Variants in TAFA1 observed in about 807,000 individuals in gnomAD.
The protein encoded by TAFA1 is chemokine-like protein TAFA-1.
TAFA1 carries 4 observed loss-of-function variants against 18.5 expected under a neutral mutation model. The ratio of observed to expected loss-of-function variants is 0.22; its 90% CI spans 0.11 to 0.49. The LOEUF (loss-of-function observed/expected upper bound fraction) is 0.49. Ranked by LOEUF, TAFA1 falls within the 20% of genes least tolerant of loss-of-function variation. The pLI, the probability that TAFA1 is intolerant of heterozygous loss-of-function variation, is 0.98. For missense variants in TAFA1, 147 were observed against 169.0 expected (o/e 0.87, Z 0.72); for synonymous variants, 56 against 55.2 (o/e 1.01, Z -0.06).
intron 4 of TAFA1, among the ~76,000 whole-genome samples, chr3:68,541,345 GA>G (rs2106794860): frequency 6.6e-6 from 1 of 152,232 alleles, no homozygotes; most frequent in South Asian, 2.1e-4. Flanking sequence ...ATGTATATAG[GA>G]ACCATCTATT....
intron 2 of TAFA1, among the ~76,000 whole-genome samples, chr3:68,203,313 A>G (rs1003966445): frequency 6.6e-6 from 1 of 150,934 alleles, no homozygotes; most frequent in Non-Finnish European, 1.5e-5. Flanking sequence ...GTGTTTTCTG[A>G]CCTTTCTGGA....
intron 2 of TAFA1, among the ~76,000 whole-genome samples, chr3:68,149,225 T>C (rs911511775): frequency 6.6e-6 from 1 of 152,182 alleles, no homozygotes; most frequent in Non-Finnish European, 1.5e-5. Flanking sequence ...ATTACACTAG[T>C]CACTTTACCT....
intron 3 of TAFA1, among the ~76,000 whole-genome samples, chr3:68,462,737 T>G (rs2071807815): frequency 6.6e-6 from 1 of 152,204 alleles, no homozygotes; most frequent in African/African-American, 2.4e-5. Flanking sequence ...CCTAATATGC[T>G]GTTTTATGTT....
intron 3 of TAFA1, among the ~76,000 whole-genome samples, chr3:68,472,475 A>T (rs2072015907): frequency 6.6e-6 from 1 of 151,696 alleles, no homozygotes; most frequent in South Asian, 2.1e-4. Flanking sequence ...CAAGCCTTCT[A>T]CATGTGACAA....
intron 2 of TAFA1, among the ~76,000 whole-genome samples, chr3:68,258,179 T>C (rs1265263311): frequency 6.6e-6 from 1 of 152,184 alleles, no homozygotes; most frequent in Admixed American, 6.6e-5. Context: ...AAATGTGCTG[T>C]GGTTATATAA....
At chr3:68,195,733 A>G (rs2066402740) in intron 2 of TAFA1, among the ~76,000 whole-genome samples, 1 of 151,692 alleles carries the variant, frequency 6.6e-6, no homozygotes, top group African/African-American at 2.4e-5. Flanking sequence ...ATGTTTGAAT[A>G]TATCAGGCCA....
chr3:68,285,692 A>G (rs557150005), intron 2 of TAFA1, among the ~76,000 whole-genome samples: 60 of 152,344 alleles, frequency 3.9e-4, no homozygotes, highest in Non-Finnish European at 7.6e-4. Flanking sequence ...TATCAATCAC[A>G]TGCAATTTAT....
At chr3:68,166,299 T>G (rs1271525538) in intron 2 of TAFA1, among the ~76,000 whole-genome samples, 1 of 152,222 alleles carries the variant, frequency 6.6e-6, no homozygotes, top group Non-Finnish European at 1.5e-5. Flanking sequence ...TTTCCTGAGC[T>G]ACTTTTCTCC....
rs1350044332 is a variant in TAFA1, at chr3:68,538,817, T to C, written c.321T>C (p.Cys107=). 7.4e-6 allele frequency: 12 copies of C among 1,613,586 alleles called. No homozygotes were observed. The highest frequency in any genetic ancestry group is 1.0e-5 in the Non-Finnish European group (12 of 1,179,628). The change falls in exon 4 of 5, where the codon TGT becomes TGC. Residue 107 remains cysteine (C), a synonymous_variant. Coordinates refer to ENST00000478136, the MANE Select transcript of TAFA1 (RefSeq NM_213609.4). ...AGCCTTGCCTAGAAGGAGAAGAATG[T>C]AAGACACTCCCTGACAATTCTGGAT... is the stretch of plus-strand genomic sequence containing the variant. The part of the protein sequence containing the change: ...EMEPCLEGEE[C]KTLPDNSGWM...
chr3:68,374,005 G>C (rs2069762206), intron 2 of TAFA1, among the ~76,000 whole-genome samples: 2 of 152,116 alleles, frequency 1.3e-5, no homozygotes, highest in Admixed American at 6.6e-5. Context: ...TTTATTATAA[G>C]GAAATACAAT....
chr3:68,037,199 A>G (rs1156884464), intron 2 of TAFA1, among the ~76,000 whole-genome samples: 1 of 152,146 alleles, frequency 6.6e-6, no homozygotes, highest in Non-Finnish European at 1.5e-5. Context: ...AGAAAGAACA[A>G]GTAGAAAGGC....
intron 2 of TAFA1, among the ~76,000 whole-genome samples, chr3:68,340,802 AT>A (rs1377786548): frequency 2.0e-5 from 3 of 152,172 alleles, no homozygotes; most frequent in South Asian, 4.1e-4. Context: ...ACTAAATTTG[AT>A]TTTTTTTAAG....
At chr3:68,350,418 C>T (rs1203679480) in intron 2 of TAFA1, among the ~76,000 whole-genome samples, 1 of 152,042 alleles carries the variant, frequency 6.6e-6, no homozygotes, top group Non-Finnish European at 1.5e-5. Flanking sequence ...AAAGGCTGGT[C>T]CTTGGACTTT....
intron 3 of TAFA1, among the ~76,000 whole-genome samples, chr3:68,508,577 A>G (rs1169436930): frequency 2.0e-5 from 3 of 152,104 alleles, no homozygotes; most frequent in African/African-American, 7.2e-5. Flanking sequence ...TTCAACAAAG[A>G]TTTTTGGCTC....
At chr3:68,412,321 A>G (rs2070733867) in intron 2 of TAFA1, among the ~76,000 whole-genome samples, 1 of 150,576 alleles carries the variant, frequency 6.6e-6, no homozygotes, top group South Asian at 2.2e-4. Context: ...TGCTAGGTAA[A>G]ACATGGGCAA....
chr3:68,237,332 C>T (rs1335363272), intron 2 of TAFA1, among the ~76,000 whole-genome samples: 2 of 152,168 alleles, frequency 1.3e-5, no homozygotes, highest in Non-Finnish European at 2.9e-5. Context: ...CACCTAATCA[C>T]CTCCCCAAGG....
At chr3:68,080,641 C>G (rs1430924915) in intron 2 of TAFA1, among the ~76,000 whole-genome samples, 1 of 151,972 alleles carries the variant, frequency 6.6e-6, no homozygotes, top group Non-Finnish European at 1.5e-5. Flanking sequence ...GAATATTGGC[C>G]CCCACTCTCT....
chr3:68,185,288 T>G (rs763406797), intron 2 of TAFA1, among the ~76,000 whole-genome samples: 3 of 152,006 alleles, frequency 2.0e-5, no homozygotes, highest in African/African-American at 4.8e-5. Context: ...CAAATCACAT[T>G]TGGGGAGCCA....
At chr3:68,322,412 G>A (rs1019997605) in intron 2 of TAFA1, among the ~76,000 whole-genome samples, 1 of 152,120 alleles carries the variant, frequency 6.6e-6, no homozygotes, top group Non-Finnish European at 1.5e-5. Flanking sequence ...GGAAGCCGGA[G>A]AGTCAAGTAT....
Sources: gnomAD v4.1 joint callset for allele counts (sites outside exome capture counted in the v4.1 genomes callset) on GRCh38, gnomAD v4.1.1 for gene constraint, MANE v1.5 for transcripts, NCBI Gene and HGNC (gene_info 2026-07-23, HGNC 2026-07-21) for gene names.